AGK: variants seen among roughly 807,000 people sequenced by gnomAD.
AGK encodes acylglycerol kinase.
In AGK, 52 loss-of-function variants were observed where a neutral mutation model predicts 66.4. The observed-to-expected ratio is 0.78, with a 90% CI of 0.63 to 0.99. The LOEUF (loss-of-function observed/expected upper bound fraction) is 0.99. AGK is among the 50% of genes least tolerant of loss of function. The pLI is 0.00. For missense variants in AGK, 451 were observed against 506.6 expected (o/e 0.89, Z 1.05); for synonymous variants, 182 against 181.1 (o/e 1.00, Z -0.04).
At chr7:141,586,140 G>A (rs1795990370) in intron 2 of AGK, among the ~76,000 whole-genome samples, 1 of 152,002 alleles carries the variant, frequency 6.6e-6, no homozygotes, top group African/African-American at 2.4e-5. Context: ...TGGTGCTTGT[G>A]GTGTGTCAAA....
At chr7:141,578,599 G>T (rs1311774611) in intron 2 of AGK, among the ~76,000 whole-genome samples, 1 of 151,878 alleles carries the variant, frequency 6.6e-6, no homozygotes, top group East Asian at 1.9e-4. Flanking sequence ...GCTGCTTCCA[G>T]CAGGAGTAGG....
chr7:141,613,811 G>A (rs1329780481), intron 6 of AGK, among the ~76,000 whole-genome samples: 2 of 152,012 alleles, frequency 1.3e-5, no homozygotes, highest in South Asian at 2.1e-4. Flanking sequence ...ACTTCATAGT[G>A]GTAAACTAGG....
intron 9 of AGK, among the ~76,000 whole-genome samples, chr7:141,624,043 C>T (rs1013432189): frequency 6.6e-6 from 1 of 151,990 alleles, no homozygotes; most frequent in East Asian, 1.9e-4. Flanking sequence ...ATATTTTAAG[C>T]CCACTGTTGA....
At chr7:141,565,683 T>G (rs1795452956) in intron 2 of AGK, among the ~76,000 whole-genome samples, 1 of 152,130 alleles carries the variant, frequency 6.6e-6, no homozygotes, top group Non-Finnish European at 1.5e-5. Flanking sequence ...GCATCATCCT[T>G]TATCCTCCTT....
At chr7:141,639,042 G>A (rs1158423463) in intron 11 of AGK, among the ~76,000 whole-genome samples, 1 of 152,294 alleles carries the variant, frequency 6.6e-6, no homozygotes, top group African/African-American at 2.4e-5. Flanking sequence ...GAAGTGCTAA[G>A]AGAAAATGCA....
At chr7:141,589,186 G>A (rs773249713) in intron 2 of AGK, among the ~76,000 whole-genome samples, 25 of 152,048 alleles carry the variant, frequency 1.6e-4, no homozygotes, top group East Asian at 3.9e-4. Flanking sequence ...TTTTGGGCAC[G>A]TCACTTTCCT....
chr7:141,554,213 G>T (rs1054213006), intron 1 of AGK, among the ~76,000 whole-genome samples: 9 of 151,950 alleles, frequency 5.9e-5, no homozygotes, highest in African/African-American at 2.2e-4. Context: ...CAAGTGTAGT[G>T]GTATGTGCCT....
At chr7:141,642,341 A>T in intron 13 of AGK, among the ~76,000 whole-genome samples, 1 of 152,206 alleles carries the variant, frequency 6.6e-6, no homozygotes, top group Non-Finnish European at 1.5e-5. Flanking sequence ...ATATCTACAT[A>T]TTATTTATTT....
chr7:141,641,072 A>G (rs1797276435), intron 11 of AGK, among the ~76,000 whole-genome samples, 176 bp from the exon 12 acceptor site: 1 of 152,216 alleles, frequency 6.6e-6, no homozygotes, highest in Non-Finnish European at 1.5e-5. Context: ...TAGCTTTAAG[A>G]GGAAAAGAAA....
At chr7:141,632,712 C>T (rs963268404) in intron 9 of AGK, among the ~76,000 whole-genome samples, 7 of 152,348 alleles carry the variant, frequency 4.6e-5, no homozygotes, top group African/African-American at 1.7e-4. Context: ...AGTTGCTGCA[C>T]GTTCTCCTTT....
intron 2 of AGK, among the ~76,000 whole-genome samples, chr7:141,564,303 A>T (rs1458905014): frequency 6.6e-6 from 1 of 152,230 alleles, no homozygotes; most frequent in Non-Finnish European, 1.5e-5. Context: ...TTTAAAGGAA[A>T]GAGGTTTAAT....
At chr7:141,601,876 C>CAATTTCT (rs1210592203) in intron 5 of AGK, among the ~76,000 whole-genome samples, 1 of 151,966 alleles carries the variant, frequency 6.6e-6, no homozygotes, top group Admixed American at 6.6e-5. Context: ...GTCTGTTGAC[C>CAATTTCT]AATTTCTAAT....
chr7:141,632,265 TA>T (rs1420470254), intron 9 of AGK, among the ~76,000 whole-genome samples: 3 of 151,878 alleles, frequency 2.0e-5, no homozygotes, highest in African/African-American at 7.3e-5. Context: ...CCACAAAATT[TA>T]AAAATCCTCC....
intron 15 of AGK, 104 bp from the exon 16 acceptor site, chr7:141,652,683 A>G: frequency 8.2e-7 from 1 of 1,221,078 alleles, no homozygotes; most frequent in Non-Finnish European, 1.2e-6. Context: ...TCAAGAGAGG[A>G]TGTTGTTTTC....
chr7:141,580,274 GAGTGGT>G (rs1795853425), intron 2 of AGK, among the ~76,000 whole-genome samples: 2 of 151,880 alleles, frequency 1.3e-5, no homozygotes, highest in African/African-American at 4.9e-5. Flanking sequence ...AGTGGGGGCA[GAGTGGT>G]AGCTTCAATG....
chr7:141,578,776 C>T (rs769220198), intron 2 of AGK, among the ~76,000 whole-genome samples: 7 of 151,524 alleles, frequency 4.6e-5, no homozygotes, highest in African/African-American at 9.7e-5. Context: ...ACACAAGGTC[C>T]GAATAAGAGA....
At chr7:141,564,886 C>T (rs571012202) in intron 2 of AGK, among the ~76,000 whole-genome samples, 23 of 152,266 alleles carry the variant, frequency 1.5e-4, no homozygotes, top group South Asian at 6.2e-4. Flanking sequence ...TGTGCCACCA[C>T]ACCTGGCTAA....
Position 141,609,826 on chromosome 7 carries a change from A to AT in AGK, c.298-1367dup. ...CACCTCATTAGCACAAACTGGCAAG[A>AT]TTGAGAGGGCCTTGCCATGAATAAC... On this transcript the variant is annotated intron_variant, in intron 5 of 15. Transcript: ENST00000649286. Among the ~76,000 whole-genome samples, 6 of 152,310 alleles carry AT rather than the reference A, an allele frequency of 3.9e-5. 1 individual carries two copies. The highest frequency in any genetic ancestry group is 3.9e-4 in the Admixed American group (6 of 15,304).
chr7:141,561,044 C>T (rs921204103), intron 2 of AGK, among the ~76,000 whole-genome samples: 6 of 152,300 alleles, frequency 3.9e-5, no homozygotes, highest in South Asian at 2.1e-4. Flanking sequence ...CCGCCCGCCT[C>T]GGCCTCCCAA....
Sources: gnomAD v4.1 joint callset for allele counts (sites outside exome capture counted in the v4.1 genomes callset) on GRCh38, gnomAD v4.1.1 for gene constraint, MANE v1.5 for transcripts, NCBI Gene and HGNC (gene_info 2026-07-23, HGNC 2026-07-21) for gene names.